Variants in CSPG4 observed in about 807,000 individuals in gnomAD.
CSPG4 encodes chondroitin sulfate proteoglycan 4, also known as chondroitin sulfate proteoglycan 4 (melanoma-associated).
A neutral mutation model predicts 139.3 loss-of-function variants in CSPG4; 74 were observed. The observed-to-expected ratio is 0.53, with a 90% CI of 0.44 to 0.64. The LOEUF is 0.64. Ranked by LOEUF, CSPG4 falls within the 30% of genes least tolerant of loss-of-function variation. CSPG4 has a pLI of 0.00. For synonymous variants in CSPG4, 1,234 were observed against 1,394.2 expected, an observed-to-expected ratio of 0.89 and a Z score of 2.56; for missense variants, 2,565 against 3,148.3, an observed-to-expected ratio of 0.81 and a Z score of 4.43.
At chr15:75,702,897 C>T (rs1000703405) in intron 1 of CSPG4, among the ~76,000 whole-genome samples, 24 of 149,058 alleles carry the variant, frequency 1.6e-4, no homozygotes, top group African/African-American at 6.0e-4. Context: ...GGCCCCCCTG[C>T]CCGCCTTTGT....
Position 75,685,223 on chromosome 15 carries a change from C to T in CSPG4, c.4268G>A (p.Arg1423Lys), listed in dbSNP as rs773869871. ...GGGCCTCTCTCACAGCCATACCATT[C>T]TCCAGGAGAAGGCGCTGAGGGTCCT... is the stretch of plus-strand genomic sequence containing the variant. ...QARTLSAFSW[R>K]MVEEQLIRYV... The change falls in exon 4 of 10, where the codon AGA (arginine) becomes AAA (lysine). Residue 1423 changes from arginine (R) to lysine (K), a missense_variant. Arg to Lys is a conservative substitution (Grantham distance 26). Around this residue, in one of 5 missense-constraint regions of CSPG4, gnomAD observed 2,316 missense variants for 2,818.2 expected, o/e 0.82. Transcript: ENST00000308508. 7 of 1,518,148 alleles carry T rather than the reference C, an allele frequency of 4.6e-6. No homozygotes were observed. The Admixed American group carries it at 8.7e-5, about 19-fold the overall frequency. The allele number at this position is 1,518,148 out of a possible 1,614,324, so 94.0% of individuals were successfully genotyped here.
At chr15:75,701,024 T>C (rs1178206430) in intron 1 of CSPG4, among the ~76,000 whole-genome samples, 6 of 152,132 alleles carry the variant, frequency 3.9e-5, no homozygotes. Context: ...TGTGCTTCCA[T>C]GCTTTCCCTG....
chr15:75,680,347 C>T (rs1216075454), intron 8 of CSPG4: 1 of 152,228 alleles, frequency 6.6e-6, no homozygotes, highest in African/African-American at 2.4e-5. Flanking sequence ...TGGCTGCTCC[C>T]CTGCTTTCGC....
In CSPG4 at chr15:75,683,017, T is replaced by C; in HGVS notation, c.4474A>G (p.Ile1492Val). The change falls in exon 6 of 10, where the codon ATC (isoleucine) becomes GTC (valine). Residue 1492 changes from isoleucine (I) to valine (V), a missense_variant. This residue lies in a region of CSPG4 where 2,316 missense variants were observed against 2,818.2 expected (regional missense o/e 0.82). Transcript: ENST00000308508. ...LQMWEGATAP[I>V]PAEALRSTDG... ...GTGCTCCTCAGAGCCTCCGCAGGGATGGGCGCAGTGGCCCCCTCCCACATC... is the reference window on the plus strand; with the variant it reads ...GTGCTCCTCAGAGCCTCCGCAGGGACGGGCGCAGTGGCCCCCTCCCACATC... 6.2e-7 allele frequency: 1 copy of C among 1,610,634 alleles called. No homozygotes were observed. Among genetic ancestry groups the C allele is most frequent in the South Asian group, 1.1e-5 (1 of 90,964 alleles).
Position 75,676,821 on chromosome 15 carries a change from C to A in CSPG4, c.5698G>T (p.Asp1900Tyr). The A allele has an allele frequency of 4.5e-6, 7 of 1,547,528 alleles. No homozygotes were observed. Among genetic ancestry groups the A allele is most frequent in the Non-Finnish European group, 6.1e-6 (7 of 1,146,358 alleles). ...PVTRFTQADV[D>Y]SGRLAFVANG... is the part of the protein sequence containing the mutation. ...GCCACGAAGGCCAGCCGCCCTGAAT[C>A]CACATCGGCTTGCGTGAAGCGGGTC... is the stretch of plus-strand genomic sequence containing the variant. The change falls in exon 10 of 10, where the codon GAT becomes TAT. Residue 1900 changes from aspartate (D) to tyrosine (Y), a missense_variant. Asp to Tyr is a radical substitution (Grantham distance 160). Coordinates refer to ENST00000308508, the MANE Select transcript of CSPG4 (RefSeq NM_001897.5).
At position 75,688,915 on chromosome 15, in the gene CSPG4, GC is replaced by G. The variant is rs1566974480; in HGVS notation, c.2149del (p.Ala717GlnfsTer25). 1.9e-6 allele frequency: 3 copies of G among 1,612,272 alleles called. No individual in the cohort carries two copies. Among genetic ancestry groups the G allele is most frequent in the Non-Finnish European group, 1.7e-6 (2 of 1,179,984 alleles). ...CCACTCAGCACCCTCCACCCCACCT[GC>G]CCCCTGCTTCTGCAGCTCCCCAAAC... ...LQFGELQKQG[A>X]GGVEGAEWWA... On this transcript the variant is annotated frameshift_variant, in exon 3 of 10. Coordinates refer to ENST00000308508, the MANE Select transcript of CSPG4 (RefSeq NM_001897.5). LOFTEE classifies it high-confidence loss of function.
rs1894120249 is a variant in CSPG4 at position 75,689,244 on chromosome 15, G to C, written c.1821C>G (p.Asp607Glu). ...TSSGLPVERR[D>E]QPGEPATEFS... ...ACTCGGTCGCCGGCTCCCCAGGCTG[G>C]TCTCGGCGCTCCACGGGGAGGCCAG... is the stretch of plus-strand genomic sequence containing the variant. The change falls in exon 3 of 10, where the codon GAC becomes GAG. Residue 607 changes from aspartate (D) to glutamate (E), a missense_variant. Transcript: ENST00000308508. The C allele has an allele frequency of 6.2e-7, 1 of 1,610,376 alleles. No homozygotes were observed. Among genetic ancestry groups the C allele is most frequent in the African/African-American group, 1.3e-5 (1 of 74,866 alleles).
chr15:75,684,942 GC>G (rs1426835953), intron 4 of CSPG4, 30 bp from the exon 5 acceptor site: 3 of 1,592,618 alleles, frequency 1.9e-6, no homozygotes, highest in Non-Finnish European at 2.6e-6. Context: ...TGGCAGTCAG[GC>G]CCCAGCAGCA....
Position 75,688,321 on chromosome 15 carries a change from CCCT to C in CSPG4, c.2741_2743del (p.Glu914del). The stretch of plus-strand genomic sequence containing the variant: ...AAAGAGGTGGTCAGCAGAGAGGACA[CCCT>C]CACCACCCTCAGGCACCACGAGGAG... On this transcript the variant is annotated inframe_deletion, in exon 3 of 10. Transcript: ENST00000308508. The C allele has an allele frequency of 6.2e-7, 1 of 1,613,224 alleles. No individual in the cohort carries two copies. Among genetic ancestry groups the C allele is most frequent in the Admixed American group, 1.7e-5 (1 of 60,034 alleles).
chr15:75,712,966 A>C, upstream of CSPG4: 1 of 519,612 alleles, frequency 1.9e-6, no homozygotes, highest in Non-Finnish European at 3.4e-6. Context: ...AACCTTCTTA[A>C]AGGGCCCGTG....
In CSPG4 at chr15:75,698,492, T is replaced by G. The variant is rs1894257801; in HGVS notation, c.89-5259A>C. On this transcript the variant is annotated intron_variant, in intron 1 of 9. Coordinates refer to ENST00000308508, the MANE Select transcript of CSPG4 (RefSeq NM_001897.5). This position sits in a 1 kb window ranked among gnomAD's most constrained non-coding sequence, Gnocchi z 4.3. Reference sequence around the variant, plus strand: ...TGCACCTCCAAGGGACTCCCCGATTTTACTTCCGCCACCAATCTACTTCCA... The same window carrying G: ...TGCACCTCCAAGGGACTCCCCGATTGTACTTCCGCCACCAATCTACTTCCA... 6.6e-6 allele frequency among the ~76,000 whole-genome samples: 1 copy of G among 151,882 alleles called. No individual in the cohort carries two copies. The highest frequency in any genetic ancestry group is 2.1e-4 in the South Asian group (1 of 4,822).
At position 75,696,732 on chromosome 15, in the gene CSPG4, C is replaced by T. The variant is rs1167016682; in HGVS notation, c.89-3499G>A. 6.6e-6 allele frequency among the ~76,000 whole-genome samples: 1 copy of T among 152,172 alleles called. No homozygotes were observed. Among genetic ancestry groups the T allele is most frequent in the African/African-American group, 2.4e-5 (1 of 41,432 alleles). ...GCTTCCCACCCTTCCTCCCCATAAACAGGGCACTGCTGTCTGGGCCTGAGG... is the reference window on the plus strand; with the variant it reads ...GCTTCCCACCCTTCCTCCCCATAAATAGGGCACTGCTGTCTGGGCCTGAGG... On this transcript the variant is annotated intron_variant, in intron 1 of 9. Coordinates refer to ENST00000308508, the MANE Select transcript of CSPG4 (RefSeq NM_001897.5). The surrounding 1 kb of genome is among the most constrained non-coding windows in gnomAD (Gnocchi z 4.2).
rs1384358447 is a variant in CSPG4, at chr15:75,689,240, G to C, written c.1825C>G (p.Pro609Ala). ...SGLPVERRDQ[P>A]GEPATEFSCR... is the part of the protein sequence containing the mutation. ...GAGAACTCGGTCGCCGGCTCCCCAGGCTGGTCTCGGCGCTCCACGGGGAGG... is the reference window on the plus strand; with the variant it reads ...GAGAACTCGGTCGCCGGCTCCCCAGCCTGGTCTCGGCGCTCCACGGGGAGG... The change falls in exon 3 of 10, where the codon CCT becomes GCT. Residue 609 changes from proline (P) to alanine (A), a missense_variant. This residue lies in a region of CSPG4 where 2,316 missense variants were observed against 2,818.2 expected (regional missense o/e 0.82). Transcript: ENST00000308508. 12 of 1,610,342 alleles carry C rather than the reference G, an allele frequency of 7.5e-6. No homozygotes were observed. The highest frequency in any genetic ancestry group is 2.2e-4 in the Middle Eastern group (1 of 4,464).
chr15:75,698,155 C>G lies in CSPG4; in HGVS notation c.89-4922G>C, dbSNP rs536845444. Among the ~76,000 whole-genome samples the G allele has an allele frequency of 3.8e-3, 577 of 152,266 alleles. 1 individual carries two copies. Among genetic ancestry groups the G allele is most frequent in the Non-Finnish European group, 4.6e-3 (312 of 68,018 alleles). On this transcript the variant is annotated intron_variant, in intron 1 of 9. Coordinates refer to ENST00000308508, the MANE Select transcript of CSPG4 (RefSeq NM_001897.5). This position sits in a 1 kb window ranked among gnomAD's most constrained non-coding sequence, Gnocchi z 4.3. ...CCTGCTCCAAGACGAAGCCAGACTTCTCCATCACCGCCCCTCGGGGTTTGG... is the reference window on the plus strand; with the variant it reads ...CCTGCTCCAAGACGAAGCCAGACTTGTCCATCACCGCCCCTCGGGGTTTGG...
rs1893887625 is a variant in CSPG4, at chr15:75,676,145, A to G, written c.6374T>C (p.Leu2125Pro). 6.5e-7 allele frequency: 1 copy of G among 1,544,662 alleles called. No homozygotes were observed. Among genetic ancestry groups the G allele is most frequent in the Non-Finnish European group, 8.7e-7 (1 of 1,151,362 alleles). ...CCTCCCCTCTGGCCTGCCCACCTCC[A>G]GCCCCAGCCTCCCGTCCTCAAGGTC... ...QQDLEDGRLGLEVGRPEGRAP... is the reference protein window; with the variant it reads ...QQDLEDGRLGPEVGRPEGRAP... The change falls in exon 10 of 10, where the codon CTG becomes CCG. Residue 2125 changes from leucine (L) to proline (P), a missense_variant. By Grantham distance (98) the Leu-to-Pro change is moderately conservative (BLOSUM62 -3). Around this residue, in one of 5 missense-constraint regions of CSPG4, gnomAD observed 2,316 missense variants for 2,818.2 expected, o/e 0.82. Coordinates refer to ENST00000308508, the MANE Select transcript of CSPG4 (RefSeq NM_001897.5).
intron 1 of CSPG4, among the ~76,000 whole-genome samples, chr15:75,706,954 T>C (rs1167302841): frequency 2.5e-5 from 1 of 40,126 alleles, no homozygotes; most frequent in Non-Finnish European, 4.9e-5. Context: ...ACATAAGAAC[T>C]TTTTTTTTTT....
Position 75,689,075 on chromosome 15 carries a change from G to C in CSPG4, c.1990C>G (p.Gln664Glu). The change falls in exon 3 of 10, where the codon CAG (glutamine) becomes GAG (glutamate). Residue 664 changes from glutamine to glutamate, a missense_variant. Coordinates refer to ENST00000308508, the MANE Select transcript of CSPG4 (RefSeq NM_001897.5). ...LKVVAIRPAIQIHRSTGLRLA... is the reference protein window; with the variant it reads ...LKVVAIRPAIEIHRSTGLRLA... ...CGCAACCCTGTGCTGCGGTGGATCT[G>C]TATGGCCGGCCGGATGGCCACCACC... 1 of 1,608,038 alleles carries C rather than the reference G, an allele frequency of 6.2e-7. No homozygotes were observed. The highest frequency in any genetic ancestry group is 8.5e-7 in the Non-Finnish European group (1 of 1,177,658).
At position 75,677,295 on chromosome 15, in the gene CSPG4, G is replaced by T; in HGVS notation, c.5224C>A (p.Arg1742Ser). Residue 1742 changes from arginine (R) to serine (S), a missense_variant, in exon 10 of 10, where the codon CGC becomes AGC. Transcript: ENST00000308508. ...NLLASVPSPQ[R>S]SEHDVLFQVT... The stretch of plus-strand genomic sequence containing the variant: ...TGGAAGAGCACATCATGCTCTGAGC[G>T]CTGGGGTGATGGAACGCTGGCCAAG... 1 of 1,461,444 alleles carries T rather than the reference G, an allele frequency of 6.8e-7. No individual in the cohort carries two copies. The highest frequency in any genetic ancestry group is 9.1e-7 in the Non-Finnish European group (1 of 1,102,756). The allele number at this position is 1,461,444 out of a possible 1,614,324, so 90.5% of individuals were successfully genotyped here.
intron 8 of CSPG4, among the ~76,000 whole-genome samples, chr15:75,681,603 G>A (rs371287817): frequency 6.6e-6 from 1 of 152,202 alleles, no homozygotes; most frequent in Non-Finnish European, 1.5e-5. Flanking sequence ...AGTCTGCCCC[G>A]CTCTGCCCTG....
Sources: allele counts gnomAD v4.1 joint callset (sites outside exome capture counted in the v4.1 genomes callset), GRCh38; gene constraint gnomAD v4.1.1; regional missense constraint gnomAD v4.1.1; non-coding constraint Gnocchi (gnomAD v3.1); transcripts MANE v1.5; gene names NCBI Gene and HGNC (gene_info 2026-07-23, HGNC 2026-07-21).